The following SPAG16 variants were observed in gnomAD, a reference collection of about 807,000 sequenced individuals.
The protein encoded by SPAG16 is sperm associated antigen 16.
Under a neutral mutation model 80.4 loss-of-function variants are expected in SPAG16, and 86 were observed. That is an observed-to-expected ratio of 1.07 (90% CI 0.90 to 1.28). The LOEUF (loss-of-function observed/expected upper bound fraction) is 1.28, where lower values mean the gene tolerates loss of function less well. Among genes scored for constraint, SPAG16 ranks in the 50% most tolerant of loss-of-function variants. The pLI, the probability that SPAG16 is intolerant of heterozygous loss-of-function variation, is 0.00. For synonymous variants in SPAG16, 294 were observed against 265.9 expected (o/e 1.11, Z -1.03); for missense variants, 870 against 765.3 (o/e 1.14, Z -1.61).
At chr2:213,740,551 C>T (rs2067500144) in intron 10 of SPAG16, among the ~76,000 whole-genome samples, 1 of 152,228 alleles carries the variant, frequency 6.6e-6, no homozygotes. Flanking sequence ...ATTTGCCTCA[C>T]TCTCATCATG....
At chr2:213,486,983 C>T (rs955416194) in intron 9 of SPAG16, among the ~76,000 whole-genome samples, 5 of 151,932 alleles carry the variant, frequency 3.3e-5, no homozygotes, top group African/African-American at 1.2e-4. Flanking sequence ...CTTCATGCAG[C>T]GTTTAAGACA....
chr2:213,494,743 C>T (rs1464745360), intron 10 of SPAG16, among the ~76,000 whole-genome samples: 1 of 152,174 alleles, frequency 6.6e-6, no homozygotes, highest in Non-Finnish European at 1.5e-5. Flanking sequence ...CCCAAACTTA[C>T]TACTGTGTGG....
chr2:213,406,932 G>A (rs1471012752), intron 9 of SPAG16, among the ~76,000 whole-genome samples: 3 of 124,088 alleles, frequency 2.4e-5, no homozygotes, highest in Non-Finnish European at 4.9e-5. Context: ...CAGCGACGCG[G>A]ATTTAAAAAA....
intron 11 of SPAG16, among the ~76,000 whole-genome samples, chr2:213,869,315 T>TAC (rs1366519178): frequency 8.5e-5 from 8 of 93,682 alleles, no homozygotes; most frequent in African/African-American, 1.3e-4. Context: ...ATAATATGTA[T>TAC]ACACACACAC....
chr2:213,507,774 C>T (rs981277254), intron 10 of SPAG16, among the ~76,000 whole-genome samples: 9 of 152,194 alleles, frequency 5.9e-5, no homozygotes, highest in African/African-American at 2.2e-4. Flanking sequence ...CACTGAATCT[C>T]TGCTGCCATC....
chr2:213,929,824 A>T (rs2106244342), intron 11 of SPAG16, 136 bp from the exon 12 acceptor site: 1 of 671,704 alleles, frequency 1.5e-6, no homozygotes, highest in Non-Finnish European at 2.4e-6. Flanking sequence ...AATAATATTT[A>T]GTCATTTAGA....
At chr2:213,699,679 C>T (rs2065319644) in intron 10 of SPAG16, among the ~76,000 whole-genome samples, 1 of 152,148 alleles carries the variant, frequency 6.6e-6, no homozygotes, top group African/African-American at 2.4e-5. Flanking sequence ...TTAAATGTTT[C>T]ATACCAAAAT....
chr2:213,305,411 G>A (rs553076159), intron 3 of SPAG16, among the ~76,000 whole-genome samples: 2 of 152,114 alleles, frequency 1.3e-5, no homozygotes, highest in South Asian at 2.1e-4. Flanking sequence ...TAGTGGTGAC[G>A]ATGGGCATCC....
intron 10 of SPAG16, among the ~76,000 whole-genome samples, chr2:213,713,566 T>C (rs369934676): frequency 5.8e-4 from 89 of 152,340 alleles, no homozygotes; most frequent in African/African-American, 2.0e-3. Context: ...TCAGCCACTT[T>C]AGGGCGTCAA....
intron 10 of SPAG16, among the ~76,000 whole-genome samples, chr2:213,847,003 T>G (rs969861922): frequency 1.3e-5 from 2 of 152,220 alleles, no homozygotes; most frequent in Admixed American, 6.5e-5. Context: ...GCTTCCTTGC[T>G]GGCTGTCAGG....
At chr2:213,574,157 A>T (rs544519134) in intron 10 of SPAG16, among the ~76,000 whole-genome samples, 1 of 152,318 alleles carries the variant, frequency 6.6e-6, no homozygotes, top group South Asian at 2.1e-4. Context: ...GTTATATGCT[A>T]TCACTCTGTC....
chr2:214,325,046 A>G (rs1466878922), intron 15 of SPAG16, among the ~76,000 whole-genome samples: 2 of 152,188 alleles, frequency 1.3e-5, no homozygotes, highest in East Asian at 1.9e-4. Context: ...CTTTAAATGA[A>G]ATAAGTTTAG....
At chr2:213,878,246 A>G (rs1317916509) in intron 11 of SPAG16, among the ~76,000 whole-genome samples, 1 of 136,400 alleles carries the variant, frequency 7.3e-6, no homozygotes, top group Non-Finnish European at 1.7e-5. Context: ...GTTCTCTGAG[A>G]AATCATCATA....
At chr2:213,953,146 T>C (rs930605007) in intron 12 of SPAG16, among the ~76,000 whole-genome samples, 2 of 152,036 alleles carry the variant, frequency 1.3e-5, no homozygotes, top group African/African-American at 4.8e-5. Flanking sequence ...TTTCTGTGAA[T>C]ATTTTTTCAA....
intron 10 of SPAG16, among the ~76,000 whole-genome samples, chr2:213,509,004 C>CT (rs1553550591): frequency 1.4e-4 from 21 of 146,476 alleles, no homozygotes; most frequent in South Asian, 1.1e-3. Context: ...CTTTTCTTTT[C>CT]TTTTTTTTTT....
At chr2:214,096,981 A>T (rs1352925045) in intron 13 of SPAG16, among the ~76,000 whole-genome samples, 2 of 152,022 alleles carry the variant, frequency 1.3e-5, no homozygotes, top group African/African-American at 4.8e-5. Flanking sequence ...ATTCCAAAGA[A>T]TTTTTTCACA....
intron 13 of SPAG16, among the ~76,000 whole-genome samples, chr2:214,090,230 GA>G (rs892635015): frequency 1.3e-5 from 2 of 151,126 alleles, no homozygotes; most frequent in Non-Finnish European, 3.0e-5. Flanking sequence ...TGAAGACGAA[GA>G]AAAAAAGAAG....
At chr2:213,615,626 A>G (rs1040346212) in intron 10 of SPAG16, among the ~76,000 whole-genome samples, 2 of 152,148 alleles carry the variant, frequency 1.3e-5, no homozygotes, top group African/African-American at 4.8e-5. Context: ...AAAAAACCCA[A>G]AAAACTTTAT....
At chr2:213,446,098 C>T (rs1375866575) in intron 9 of SPAG16, among the ~76,000 whole-genome samples, 2 of 152,178 alleles carry the variant, frequency 1.3e-5, no homozygotes, top group African/African-American at 2.4e-5. Flanking sequence ...AAGGCCGATT[C>T]CAAAGACAGA....
Sources: gnomAD v4.1 joint callset for allele counts (sites outside exome capture counted in the v4.1 genomes callset) on GRCh38, gnomAD v4.1.1 for gene constraint, MANE v1.5 for transcripts, NCBI Gene and HGNC (gene_info 2026-07-23, HGNC 2026-07-21) for gene names.